BCOR: variants seen among roughly 807,000 people sequenced by gnomAD.
BCOR encodes the protein BCL-6 corepressor.
BCOR carries 10 observed loss-of-function variants against 86.7 expected under a neutral mutation model. That is an observed-to-expected ratio of 0.12 (90% confidence interval 0.07 to 0.20). The LOEUF (loss-of-function observed/expected upper bound fraction) is 0.20, where lower values mean the gene tolerates loss of function less well. Among genes scored for constraint, BCOR ranks in the 10% least tolerant of loss-of-function variants. The probability of loss-of-function intolerance (pLI) is 1.00; values close to 1 mark genes in which losing one functional copy is unlikely to be tolerated. For synonymous variants in BCOR, 611 were observed against 609.0 expected (o/e 1.00, Z -0.05); for missense variants, 1,259 against 1,452.1 (o/e 0.87, Z 2.16).
At chrX:40,100,283 C>T (rs1422794835), upstream of BCOR, among the ~76,000 whole-genome samples, 1 of 112,879 alleles carries the variant, frequency 8.9e-6, no homozygotes, top group Non-Finnish European at 1.9e-5. Context: ...GGCCGCTCTG[C>T]TGCTGCAGGC....
intron 6 of BCOR, among the ~76,000 whole-genome samples, chrX:40,070,527 C>T (rs1270659360): frequency 8.9e-6 from 1 of 111,848 alleles, no homozygotes; most frequent in Non-Finnish European, 1.9e-5. Flanking sequence ...AATTCTCCCC[C>T]ACCCCCCACG....
rs773550639 is a variant in BCOR, at chrX:40,075,154, G to A, written c.192C>T (p.Ile64=). 17 of 1,207,200 alleles carry A rather than the reference G, an allele frequency of 1.4e-5. No individual in the cohort carries two copies. The highest frequency in any genetic ancestry group is 3.5e-5 in the African/African-American group (2 of 56,768). ...NVVDASTAHR[I]DGLAALSMDR... is the part of the protein sequence containing the mutation. The stretch of plus-strand genomic sequence containing the variant: ...CCATGCTCAGTGCTGCCAGGCCATC[G>A]ATCCTATGGGCCGTGCTCGCATCCA... The change falls in exon 4 of 15, where the codon ATC becomes ATT. Residue 64 remains isoleucine (I), a synonymous_variant. Coordinates refer to ENST00000378444, the MANE Select transcript of BCOR (RefSeq NM_001123385.2).
chrX:40,144,391 T>G (rs755872819), intron 1 of BCOR, among the ~76,000 whole-genome samples: 11 of 111,518 alleles, frequency 9.9e-5, no homozygotes, highest in African/African-American at 3.6e-4. Flanking sequence ...TCGCCTTTGA[T>G]GTGTGAAGTT....
At chrX:40,078,841 C>G (rs1262027533) in intron 1 of BCOR, among the ~76,000 whole-genome samples, 1 of 105,589 alleles carries the variant, frequency 9.5e-6, no homozygotes, top group Non-Finnish European at 2.0e-5. Flanking sequence ...TTTACCTCCT[C>G]TGCCCACCGC....
chrX:40,056,326 T>C (rs752360332), intron 11 of BCOR, among the ~76,000 whole-genome samples: 98 of 78,239 alleles, frequency 1.3e-3, no homozygotes, highest in African/African-American at 4.9e-3. Flanking sequence ...TAAAAGAAAC[T>C]AGATGCAAAG....
intron 1 of BCOR, among the ~76,000 whole-genome samples, chrX:40,138,640 C>T (rs748904700): frequency 2.7e-5 from 3 of 110,526 alleles, no homozygotes; most frequent in South Asian, 3.9e-4. Context: ...TTGCAACCTC[C>T]GCCTCCCGGG....
chrX:40,062,641 G>C, intron 9 of BCOR, 105 bp downstream of exon 9: 1 of 843,498 alleles, frequency 1.2e-6, no homozygotes, highest in Non-Finnish European at 1.7e-6. Flanking sequence ...TGTGGTGTGG[G>C]GGAGGAGTCC....
intron 1 of BCOR, among the ~76,000 whole-genome samples, chrX:40,088,000 G>T (rs1395214698): frequency 8.9e-6 from 1 of 112,217 alleles, no homozygotes; most frequent in Non-Finnish European, 1.9e-5. Flanking sequence ...GCTATTTCAA[G>T]TTTGCATTTG....
rs1935082634 is a variant in BCOR, at chrX:40,064,365, A to T, written c.3473T>A (p.Leu1158Gln). 8.3e-7 allele frequency: 1 copy of T among 1,211,107 alleles called. No homozygotes were observed. Among genetic ancestry groups the T allele is most frequent in the South Asian group, 1.8e-5 (1 of 56,929 alleles). ...AGAGACTCGTCGGCGTTTGGCTTTC[A>T]GCAGAGGGTCCTCTGGCACCTCCTC... is the stretch of plus-strand genomic sequence containing the variant. Reference protein sequence around the residue: ...TAEEVPEDPLLKAKRRRVSKD... With the variant: ...TAEEVPEDPLQKAKRRRVSKD... The change falls in exon 7 of 15, where the codon CTG (leucine) becomes CAG (glutamine). Residue 1158 changes from leucine to glutamine, a missense_variant. Around this residue, in one of 7 missense-constraint regions of BCOR, gnomAD observed 305 missense variants for 286.1 expected, o/e 1.07. Transcript: ENST00000378444.
At chrX:40,168,638 G>T (rs553360810) in intron 1 of BCOR, among the ~76,000 whole-genome samples, 1 of 112,562 alleles carries the variant, frequency 8.9e-6, no homozygotes, top group African/African-American at 3.2e-5. Flanking sequence ...AGGGCGAGAG[G>T]GGGGCCAAGG....
Position 40,073,755 on chromosome X carries a change from C to T in BCOR, c.1591G>A (p.Ala531Thr), listed in dbSNP as rs749142863. ...NGKSMSLKNKALDWAIPQQRS... is the reference protein window; with the variant it reads ...NGKSMSLKNKTLDWAIPQQRS... ...TGCTGTGGTATCGCCCAGTCCAATG[C>T]CTTGTTTTTCAGCGACATGCTTTTG... Residue 531 changes from alanine to threonine, a missense_variant, in exon 4 of 15, where the codon GCA becomes ACA. By Grantham distance (58) the Ala-to-Thr change is moderately conservative. Transcript: ENST00000378444. 1 of 1,212,575 alleles carries T rather than the reference C, an allele frequency of 8.2e-7. No homozygotes were observed. Among genetic ancestry groups the T allele is most frequent in the Admixed American group, 2.2e-5 (1 of 46,187 alleles).
intron 1 of BCOR, among the ~76,000 whole-genome samples, chrX:40,174,070 C>G (rs986836943): frequency 2.7e-5 from 3 of 113,121 alleles, no homozygotes; most frequent in Admixed American, 9.3e-5. Context: ...CTCGGCCTCC[C>G]CTGCTTGGCC....
At chrX:40,144,658 T>C (rs893024258) in intron 1 of BCOR, among the ~76,000 whole-genome samples, 5 of 112,163 alleles carry the variant, frequency 4.5e-5, no homozygotes, top group Non-Finnish European at 9.4e-5. Flanking sequence ...GACCCTCCAC[T>C]TTGTTCTTCA....
rs1372475402 is a variant in BCOR at position 40,072,171 on chromosome X, C to T, written c.2997+178G>A. Reference sequence around the variant, plus strand: ...CAGAATAACTTAAAGCATCCAGACACGCCTCAGTGCTACCACTCACGTTCT... The same window carrying T: ...CAGAATAACTTAAAGCATCCAGACATGCCTCAGTGCTACCACTCACGTTCT... On this transcript the variant is annotated intron_variant, in intron 4 of 14. Transcript: ENST00000378444. 1.7e-4 allele frequency: 83 copies of T among 474,419 alleles called. No individual in the cohort carries two copies. In the South Asian group the frequency reaches 1.9e-3, roughly 11 times the overall value. The allele number at this position is 474,419 out of a possible 1,213,427, so 39.1% of individuals were successfully genotyped here.
intron 6 of BCOR, chrX:40,068,073 T>C (rs1353681594): frequency 8.9e-6 from 1 of 111,983 alleles, no homozygotes; most frequent in Non-Finnish European, 1.9e-5. Flanking sequence ...CTACACCGTC[T>C]ACCACTTTCT....
intron 8 of BCOR, 39 bp from the exon 9 acceptor site, chrX:40,063,110 G>GGGGGGGC: frequency 1.6e-6 from 1 of 644,554 alleles, no homozygotes; most frequent in Non-Finnish European, 2.2e-6. Context: ...GGGCGGATGG[G>GGGGGGGC]AGACGGGAGA....
At chrX:40,162,091 G>A (rs1010396161) in intron 1 of BCOR, among the ~76,000 whole-genome samples, 1 of 111,604 alleles carries the variant, frequency 9.0e-6, no homozygotes, top group Non-Finnish European at 1.9e-5. Flanking sequence ...GGCCTACCGC[G>A]CCAACATGCT....
intron 1 of BCOR, among the ~76,000 whole-genome samples, chrX:40,133,198 C>T (rs1191464972): frequency 4.0e-5 from 4 of 100,710 alleles, no homozygotes; most frequent in Non-Finnish European, 6.0e-5. Context: ...AGTGCAGTGG[C>T]ATGATCTCAG....
At chrX:40,071,601 T>C in intron 5 of BCOR, 36 bp downstream of exon 5, 1 of 1,042,915 alleles carries the variant, frequency 9.6e-7, no homozygotes, top group Non-Finnish European at 1.3e-6. Flanking sequence ...AAAAGGTTTA[T>C]GTAAGATTCT....
Sources: gnomAD v4.1 joint callset for allele counts (sites outside exome capture counted in the v4.1 genomes callset) on GRCh38, gnomAD v4.1.1 for gene constraint, gnomAD v4.1.1 regional missense constraint, MANE v1.5 for transcripts, NCBI Gene and HGNC (gene_info 2026-07-23, HGNC 2026-07-21) for gene names.